GPR155: variants seen among roughly 807,000 people sequenced by gnomAD.
The protein encoded by GPR155 is lysosomal cholesterol signaling protein.
A neutral mutation model predicts 93.1 loss-of-function variants in GPR155; 65 were observed. That is an observed-to-expected ratio of 0.70 (90% CI 0.57 to 0.86). GPR155 has a LOEUF of 0.86. GPR155 is among the 40% of genes least tolerant of loss of function. GPR155 has a pLI of 0.00. For missense variants in GPR155, 838 were observed against 1,034.8 expected (o/e 0.81, Z 2.61); for synonymous variants, 319 against 360.1 (o/e 0.89, Z 1.29).
At chr2:174,482,061 T>C in intron 1 of GPR155, 74 bp from the exon 2 acceptor site, 3 of 734,612 alleles carry the variant, frequency 4.1e-6, no homozygotes, top group Non-Finnish European at 6.8e-6. Context: ...CTGGCAAACC[T>C]AGATTTGTTT....
In GPR155 at chr2:174,440,015, T is replaced by C; in HGVS notation, c.2195A>G (p.Asn732Ser). ...FKRRLEFLWN[N>S]KDTAENRDSP... ...ATCCCTGTTTTCTGCTGTGTCTTTATTGTTCCATAGGAATTCAAGTCTGAA... is the reference window on the plus strand; with the variant it reads ...ATCCCTGTTTTCTGCTGTGTCTTTACTGTTCCATAGGAATTCAAGTCTGAA... The change falls in exon 15 of 16, where the codon AAT becomes AGT. Residue 732 changes from asparagine (N) to serine (S), a missense_variant. Transcript: ENST00000392552. 1.2e-6 allele frequency: 2 copies of C among 1,611,436 alleles called. No homozygotes were observed.
At chr2:174,479,040 G>T (rs1394709334) in intron 2 of GPR155, among the ~76,000 whole-genome samples, 3 of 152,030 alleles carry the variant, frequency 2.0e-5, no homozygotes, top group Non-Finnish European at 4.4e-5. Context: ...AATATTACAA[G>T]AGCTTTTGTT....
chr2:174,462,659 C>A (rs1319757834), intron 7 of GPR155, among the ~76,000 whole-genome samples: 1 of 152,130 alleles, frequency 6.6e-6, no homozygotes, highest in Admixed American at 6.5e-5. Context: ...TAAAAACATC[C>A]CCCTCTTCTG....
Position 174,453,797 on chromosome 2 carries a change from A to G in GPR155, c.1816T>C (p.Ser606Pro). 1 of 1,613,298 alleles carries G rather than the reference A, an allele frequency of 6.2e-7. No individual in the cohort carries two copies. The highest frequency in any genetic ancestry group is 8.5e-7 in the Non-Finnish European group (1 of 1,179,530). ...CTTGTGTTTGCTATTGGCTCTATTGATGGGCAGTGTAATTCACCATTTCCC... is the reference window on the plus strand; with the variant it reads ...CTTGTGTTTGCTATTGGCTCTATTGGTGGGCAGTGTAATTCACCATTTCCC... ...SMGNGELHCP[S>P]IEPIANTSTS... Residue 606 changes from serine (S) to proline (P), a missense_variant, in exon 11 of 16, where the codon TCA becomes CCA. Ser to Pro is a moderately conservative substitution (Grantham distance 74). Coordinates refer to ENST00000392552, the MANE Select transcript of GPR155 (RefSeq NM_152529.7).
In GPR155 at chr2:174,461,634, C is replaced by G; in HGVS notation, c.1423G>C (p.Glu475Gln). The G allele has an allele frequency of 6.2e-7, 1 of 1,611,352 alleles. No homozygotes were observed. Among genetic ancestry groups the G allele is most frequent in the Non-Finnish European group, 8.5e-7 (1 of 1,177,622 alleles). ...AISLFLLKKR[E>Q]RVQIPVGIII... ...ATTCCAACAGGAATTTGTACCCTCT[C>G]TCGCTTTTTCAAAAGAAACAAAGAA... The change falls in exon 8 of 16, where the codon GAG becomes CAG. Residue 475 changes from glutamate (E) to glutamine (Q), a missense_variant. Glu to Gln is a conservative substitution (Grantham distance 29). Coordinates refer to ENST00000392552, the MANE Select transcript of GPR155 (RefSeq NM_152529.7).
In GPR155 at chr2:174,460,007, C is replaced by T. The variant is rs759954823; in HGVS notation, c.1642G>A (p.Ala548Thr). 11 of 1,613,872 alleles carry T rather than the reference C, an allele frequency of 6.8e-6. No individual in the cohort carries two copies. In the South Asian group the frequency reaches 1.1e-4, roughly 16 times the overall value. Residue 548 changes from alanine to threonine, a missense_variant, in exon 10 of 16, where the codon GCA (alanine) becomes ACA (threonine). By Grantham distance (58) the Ala-to-Thr change is moderately conservative. Coordinates refer to ENST00000392552, the MANE Select transcript of GPR155 (RefSeq NM_152529.7). ...TGATCGAAACCTTCATAGCTTCCTG[C>T]TTGGGCAGTCTGGTTCATGCACATG... ...SLMCMNQTAQAGSYEGFDQSQ... is the reference protein window; with the variant it reads ...SLMCMNQTAQTGSYEGFDQSQ...
At chr2:174,446,513 TG>T in intron 12 of GPR155, 97 bp downstream of exon 12, 1 of 1,130,812 alleles carries the variant, frequency 8.8e-7, no homozygotes, top group Middle Eastern at 2.1e-4. Context: ...ACCACACTTC[TG>T]GAAAGCAGCA....
At chr2:174,460,134 T>C in intron 9 of GPR155, 46 bp from the exon 10 acceptor site, 1 of 1,019,868 alleles carries the variant, frequency 9.8e-7, no homozygotes, top group Non-Finnish European at 1.5e-6. Context: ...CACAACTTCA[T>C]CTTGATAATC....
Position 174,431,790 on chromosome 2 carries a change from A to G in GPR155, c.*4326T>C, listed in dbSNP as rs1466630649. On this transcript the variant is annotated 3_prime_UTR_variant, in exon 16 of 16. Transcript: ENST00000392552. ...AGCCGCATTCTGCTGCGTAACAAACATATAAAACACTAGTTTCACATTTTT... is the reference window on the plus strand; with the variant it reads ...AGCCGCATTCTGCTGCGTAACAAACGTATAAAACACTAGTTTCACATTTTT... 6.6e-6 allele frequency: 1 copy of G among 152,206 alleles called. No homozygotes were observed. The highest frequency in any genetic ancestry group is 1.9e-4 in the East Asian group (1 of 5,202). The allele number at this position is 152,206 out of a possible 1,614,324, so 9.4% of individuals were successfully genotyped here.
Position 174,435,792 on chromosome 2 carries a change from G to A in GPR155, c.*324C>T, listed in dbSNP as rs1009936440. 8.6e-6 allele frequency: 2 copies of A among 232,008 alleles called. No individual in the cohort carries two copies. The highest frequency in any genetic ancestry group is 4.6e-5 in the African/African-American group (2 of 43,900). The allele number at this position is 232,008 out of a possible 1,614,324, so 14.4% of individuals were successfully genotyped here. On this transcript the variant is annotated 3_prime_UTR_variant, in exon 16 of 16. Coordinates refer to ENST00000392552, the MANE Select transcript of GPR155 (RefSeq NM_152529.7). ...CCCGGCCTACACCATTTTATATAAG[G>A]GACTTGAGTATCCTCAGATTTTGGG...
rs763666962 is a variant in GPR155 at position 174,470,504 on chromosome 2, G to A, written c.912C>T (p.Gly304=). The A allele has an allele frequency of 1.7e-5, 27 of 1,613,626 alleles. No homozygotes were observed. In the Admixed American group the frequency reaches 2.5e-4, roughly 15 times the overall value. ...AACTTGTATGGTTCACCACACTGTC[G>A]CCCTTGTCCAAGAGTTCCACCATTT... The part of the protein sequence containing the change: ...CREMVELLDK[G]DSVVNHTSLS... Residue 304 remains glycine, a synonymous_variant, in exon 4 of 16, where the codon GGC becomes GGT. Transcript: ENST00000392552.
intron 1 of GPR155, among the ~76,000 whole-genome samples, chr2:174,482,634 T>C (rs1688359349): frequency 6.6e-6 from 1 of 152,200 alleles, no homozygotes; most frequent in Non-Finnish European, 1.5e-5. Flanking sequence ...GTGCAACCTC[T>C]GTCTCCTGGG....
At chr2:174,441,943 T>A (rs142856416) in intron 14 of GPR155, among the ~76,000 whole-genome samples, 176 bp downstream of exon 14, 3,217 of 151,884 alleles carry the variant, frequency 0.021, 103 homozygotes, top group African/African-American at 0.07. Flanking sequence ...AGACTAGGTT[T>A]CACTATGTTG....
At chr2:174,445,477 T>A (rs1687093418) in intron 12 of GPR155, 2 of 199,082 alleles carry the variant, frequency 1.0e-5, no homozygotes, top group African/African-American at 4.6e-5. Context: ...CAGGCCTGAT[T>A]TTAAATTTAG....
At chr2:174,441,401 AAT>A (rs945287489) in intron 14 of GPR155, among the ~76,000 whole-genome samples, 1 of 151,256 alleles carries the variant, frequency 6.6e-6, no homozygotes, top group East Asian at 1.9e-4. Context: ...ATCAAATTAA[AAT>A]ATATATATAT....
intron 5 of GPR155, among the ~76,000 whole-genome samples, chr2:174,467,238 G>A (rs899257999): frequency 4.6e-5 from 7 of 151,716 alleles, no homozygotes; most frequent in African/African-American, 1.5e-4. Flanking sequence ...AGTGGCTCAC[G>A]CCTGTAATCC....
At chr2:174,454,133 TTTG>T (rs1300954496) in intron 10 of GPR155, among the ~76,000 whole-genome samples, 1 of 151,968 alleles carries the variant, frequency 6.6e-6, no homozygotes, top group Non-Finnish European at 1.5e-5. Context: ...TTTGTTTTGT[TTTG>T]TTCTGTTTTT....
chr2:174,436,054 G>T lies in GPR155; in HGVS notation c.*62C>A. The stretch of plus-strand genomic sequence containing the variant: ...CTGTTAACTTGCCCAAGGTCACCCA[G>T]CTAAAAACTAATGAATACGCGGCTA... On this transcript the variant is annotated 3_prime_UTR_variant, in exon 16 of 16. Transcript: ENST00000392552. 7.0e-7 allele frequency: 1 copy of T among 1,420,520 alleles called. No individual in the cohort carries two copies. The highest frequency in any genetic ancestry group is 9.8e-7 in the Non-Finnish European group (1 of 1,025,482). 88.0% of individuals were successfully genotyped at this position (1,420,520 alleles called of 1,614,324 possible).
intron 15 of GPR155, 135 bp from the exon 16 acceptor site, chr2:174,436,551 CTG>C (rs1686790291): frequency 2.4e-6 from 2 of 839,640 alleles, no homozygotes; most frequent in African/African-American, 1.7e-5. Context: ...AGGAAGGAAA[CTG>C]TTCTGAATAG....
Sources: allele counts gnomAD v4.1 joint callset (sites outside exome capture counted in the v4.1 genomes callset), GRCh38; gene constraint gnomAD v4.1.1; transcripts MANE v1.5; gene names NCBI Gene and HGNC (gene_info 2026-07-23, HGNC 2026-07-21).